Variants in SLCO3A1 observed in about 807,000 individuals in gnomAD.
SLCO3A1 encodes solute carrier organic anion transporter family member 3A1, also known as PGE1 transporter.
In SLCO3A1, 27 loss-of-function variants were observed where a neutral mutation model predicts 63.1. That is an observed-to-expected ratio of 0.43 (90% confidence interval 0.32 to 0.59). The LOEUF (loss-of-function observed/expected upper bound fraction) is 0.59, where lower values mean the gene tolerates loss of function less well. Among genes scored for constraint, SLCO3A1 ranks in the 20% least tolerant of loss-of-function variants. The pLI, the probability that SLCO3A1 is intolerant of heterozygous loss-of-function variation, is 0.09. For synonymous variants in SLCO3A1, 473 were observed against 409.9 expected (o/e 1.15, Z -1.86); for missense variants, 773 against 945.8 (o/e 0.82, Z 2.40).
intron 2 of SLCO3A1, among the ~76,000 whole-genome samples, chr15:92,027,746 C>A (rs921014441): frequency 6.6e-6 from 1 of 152,202 alleles, no homozygotes. Context: ...ACCACATAAA[C>A]GAAGCAGTTT....
At chr15:92,144,717 C>T (rs1248466833) in intron 7 of SLCO3A1, among the ~76,000 whole-genome samples, 2 of 152,224 alleles carry the variant, frequency 1.3e-5, no homozygotes, top group African/African-American at 2.4e-5. Flanking sequence ...GTCCAGCTCC[C>T]GTCCTTGCAG....
chr15:91,855,647 T>C (rs1896899231), intron 1 of SLCO3A1, among the ~76,000 whole-genome samples: 1 of 152,126 alleles, frequency 6.6e-6, no homozygotes, highest in African/African-American at 2.4e-5. Flanking sequence ...GATAATTGTG[T>C]TTTGGGAGTC....
At chr15:92,152,242 A>C (rs2048315335) in intron 9 of SLCO3A1, among the ~76,000 whole-genome samples, 1 of 152,252 alleles carries the variant, frequency 6.6e-6, no homozygotes, top group African/African-American at 2.4e-5. Context: ...TAACCTTTAG[A>C]TCCATTAAGG....
chr15:92,070,090 C>T (rs1178857673), intron 2 of SLCO3A1, among the ~76,000 whole-genome samples: 1 of 152,174 alleles, frequency 6.6e-6, no homozygotes, highest in Admixed American at 6.5e-5. Flanking sequence ...GAGGCGGAGG[C>T]AGGGTGGAAA....
rs1896852636 is a variant in SLCO3A1, at chr15:91,854,243, G to C, written c.180+155G>C. The stretch of plus-strand genomic sequence containing the variant: ...GGCGAGTGGTGCAGAGGCGGCCGCC[G>C]GGGGAGCTGCCGGCCGGGGCTGCCA... On this transcript the variant is annotated intron_variant, in intron 1 of 9. Transcript: ENST00000318445. This position sits in a 1 kb window ranked among gnomAD's most constrained non-coding sequence, Gnocchi z 6.4. 6.3e-6 allele frequency: 7 copies of C among 1,106,198 alleles called. No homozygotes were observed. The highest frequency in any genetic ancestry group is 4.5e-5 in the Admixed American group (1 of 22,102). The allele number at this position is 1,106,198 out of a possible 1,614,324, so 68.5% of individuals were successfully genotyped here.
intron 2 of SLCO3A1, among the ~76,000 whole-genome samples, chr15:91,955,337 CT>C (rs765442580): frequency 1.8e-3 from 260 of 143,322 alleles, no homozygotes; most frequent in Admixed American, 1.7e-3. Flanking sequence ...TTTTCTTTTT[CT>C]TTTTTTTTTT....
chr15:92,129,883 G>C (rs1248161751), intron 7 of SLCO3A1, among the ~76,000 whole-genome samples: 1 of 150,906 alleles, frequency 6.6e-6, no homozygotes, highest in African/African-American at 2.4e-5. Context: ...TGGGGGGTGG[G>C]TGGGAGAAAC....
At chr15:92,014,562 G>A (rs948683791) in intron 2 of SLCO3A1, among the ~76,000 whole-genome samples, 10 of 152,160 alleles carry the variant, frequency 6.6e-5, no homozygotes, top group African/African-American at 2.4e-4. Context: ...CTAAAAAGCA[G>A]TGGGAAAATG....
rs146947144 is a variant in SLCO3A1, at chr15:91,985,882, G to T, written c.646+69424G>T. Among the ~76,000 whole-genome samples, 54 of 152,320 alleles carry T rather than the reference G, an allele frequency of 3.5e-4. No individual in the cohort carries two copies. The East Asian group carries it at 0.01, about 29-fold the overall frequency. Reference sequence around the variant, plus strand: ...GAATGAGTGCACGGAGCTGGTTCCTGTGGGCTTCCTAGTCTACGTGTAGGT... The same window carrying T: ...GAATGAGTGCACGGAGCTGGTTCCTTTGGGCTTCCTAGTCTACGTGTAGGT... On this transcript the variant is annotated intron_variant, in intron 2 of 9. Transcript: ENST00000318445.
intron 2 of SLCO3A1, among the ~76,000 whole-genome samples, chr15:91,980,980 G>A (rs769689628): frequency 1.7e-4 from 26 of 152,318 alleles, no homozygotes; most frequent in South Asian, 1.7e-3. Context: ...GAAATTACTG[G>A]CAGCTGTGCT....
chr15:92,098,739 T>A (rs1382790013), intron 3 of SLCO3A1, among the ~76,000 whole-genome samples: 3 of 152,124 alleles, frequency 2.0e-5, no homozygotes, highest in African/African-American at 7.2e-5. Flanking sequence ...ATTCAAGCAC[T>A]GGAATCAGAC....
chr15:91,946,126 G>A (rs1302433085), intron 2 of SLCO3A1, among the ~76,000 whole-genome samples: 1 of 152,222 alleles, frequency 6.6e-6, no homozygotes, highest in Non-Finnish European at 1.5e-5. Context: ...TTCAGGGAGT[G>A]TGTCCCCAGG....
At chr15:91,962,289 GACCA>G (rs1479893456) in intron 2 of SLCO3A1, among the ~76,000 whole-genome samples, 2 of 152,014 alleles carry the variant, frequency 1.3e-5, no homozygotes, top group Non-Finnish European at 2.9e-5. Context: ...AGACCAACCT[GACCA>G]ACATGGAGAA....
At chr15:92,025,446 T>C (rs1419923282) in intron 2 of SLCO3A1, among the ~76,000 whole-genome samples, 4 of 152,188 alleles carry the variant, frequency 2.6e-5, no homozygotes, top group Non-Finnish European at 5.9e-5. Flanking sequence ...ATGCTGCTGC[T>C]CTTGCTGCTG....
At position 91,967,897 on chromosome 15, in the gene SLCO3A1, C is replaced by T. The variant is rs1597168555; in HGVS notation, c.646+51439C>T. ...TGCAGGATTCAGCACCAAGAGCTCTCAAGAGCAAATCCACAGGCAGCTAAA... is the reference window on the plus strand; with the variant it reads ...TGCAGGATTCAGCACCAAGAGCTCTTAAGAGCAAATCCACAGGCAGCTAAA... On this transcript the variant is annotated intron_variant, in intron 2 of 9. Transcript: ENST00000318445. The surrounding 1 kb of genome is among the most constrained non-coding windows in gnomAD (Gnocchi z 4.4). Among the ~76,000 whole-genome samples the T allele has an allele frequency of 6.6e-6, 1 of 152,304 alleles. No individual in the cohort carries two copies. Among genetic ancestry groups the T allele is most frequent in the South Asian group, 2.1e-4 (1 of 4,818 alleles).
chr15:92,060,271 C>G (rs1193267695), intron 2 of SLCO3A1, among the ~76,000 whole-genome samples: 2 of 151,990 alleles, frequency 1.3e-5, no homozygotes, highest in Non-Finnish European at 2.9e-5. Flanking sequence ...ATAAATTAAC[C>G]TTAGCCAGCT....
At chr15:92,127,366 C>T (rs1284776352) in intron 6 of SLCO3A1, among the ~76,000 whole-genome samples, 1 of 58,106 alleles carries the variant, frequency 1.7e-5, no homozygotes, top group Non-Finnish European at 5.2e-5. Context: ...AAGTGTATAT[C>T]CTACATCACA....
intron 7 of SLCO3A1, among the ~76,000 whole-genome samples, chr15:92,137,197 C>A (rs1165775432): frequency 7.5e-6 from 1 of 134,218 alleles, no homozygotes; most frequent in Non-Finnish European, 1.5e-5. Context: ...TTGTTCAATT[C>A]CCACCTATGA....
At chr15:91,858,860 A>G (rs1176554657) in intron 1 of SLCO3A1, among the ~76,000 whole-genome samples, 3 of 152,198 alleles carry the variant, frequency 2.0e-5, no homozygotes, top group African/African-American at 4.8e-5. Context: ...CTCTTAGCAG[A>G]TTGGCCTGGA....
Sources: gnomAD v4.1 joint callset for allele counts (sites outside exome capture counted in the v4.1 genomes callset) on GRCh38, gnomAD v4.1.1 for gene constraint, Gnocchi (gnomAD v3.1) non-coding constraint, MANE v1.5 for transcripts, NCBI Gene and HGNC (gene_info 2026-07-23, HGNC 2026-07-21) for gene names.